Variants in DLGAP2 observed in about 807,000 individuals in gnomAD.
The protein encoded by DLGAP2 is disks large-associated protein 2.
Under a neutral mutation model 100.3 loss-of-function variants are expected in DLGAP2, and 26 were observed. That is an observed-to-expected ratio of 0.26 (90% CI 0.19 to 0.36). The LOEUF (loss-of-function observed/expected upper bound fraction) is 0.36, where lower values mean the gene tolerates loss of function less well. Ranked by LOEUF, DLGAP2 falls within the 10% of genes least tolerant of loss-of-function variation. The probability of loss-of-function intolerance (pLI) is 1.00; values close to 1 mark genes in which losing one functional copy is unlikely to be tolerated. For missense variants in DLGAP2, 1,858 were observed against 1,453.2 expected (o/e 1.28, Z -4.53); for synonymous variants, 886 against 630.1 (o/e 1.41, Z -6.08).
intron 2 of DLGAP2, among the ~76,000 whole-genome samples, chr8:956,470 C>G (rs1799600315): frequency 6.6e-6 from 1 of 152,188 alleles, no homozygotes; most frequent in Non-Finnish European, 1.5e-5. Flanking sequence ...CCTCTCAGCT[C>G]TGAGAATCAT....
At position 1,269,290 on chromosome 8, in the gene DLGAP2, C is replaced by T. The variant is rs76903346; in HGVS notation, c.106+10407C>T. 4.5e-3 allele frequency among the ~76,000 whole-genome samples: 684 copies of T among 152,274 alleles called. 12 individuals are homozygous for T. The East Asian group carries it at 0.062, about 14-fold the overall frequency. On this transcript the variant is annotated intron_variant, in intron 3 of 14. Coordinates refer to ENST00000637795, the MANE Select transcript of DLGAP2 (RefSeq NM_001346810.2). ...CCGGGAGGAGGAGCCAGAGGGTGTT[C>T]CAGCCTGGAGCTCCCAGCCTGCAGA...
At chr8:938,358 G>C (rs1230319182) in intron 2 of DLGAP2, among the ~76,000 whole-genome samples, 1 of 152,090 alleles carries the variant, frequency 6.6e-6, no homozygotes, top group Non-Finnish European at 1.5e-5. Context: ...CACCATGCCT[G>C]GCTGATTTTT....
intron 1 of DLGAP2, among the ~76,000 whole-genome samples, chr8:879,072 T>C (rs986885846): frequency 1.3e-5 from 2 of 152,220 alleles, no homozygotes; most frequent in African/African-American, 4.8e-5. Flanking sequence ...TGAAAGCAAC[T>C]TGATTACATT....
chr8:1,372,228 ACC>A (rs1802256778), intron 3 of DLGAP2, among the ~76,000 whole-genome samples: 3 of 88,030 alleles, frequency 3.4e-5, no homozygotes, highest in African/African-American at 1.2e-4. Flanking sequence ...GACGCTGGTC[ACC>A]GTGGTGCCAA....
At chr8:758,704 G>A (rs968992033) in intron 1 of DLGAP2, among the ~76,000 whole-genome samples, 1 of 152,012 alleles carries the variant, frequency 6.6e-6, no homozygotes, top group African/African-American at 2.4e-5. Flanking sequence ...TGGTACTACA[G>A]GTGTGCACCA....
chr8:1,211,731 C>T (rs1434355945), intron 2 of DLGAP2, among the ~76,000 whole-genome samples: 4 of 152,144 alleles, frequency 2.6e-5, no homozygotes, highest in Admixed American at 6.6e-5. Context: ...CAAAATTAGC[C>T]AGGCGTGGTA....
chr8:765,608 C>T (rs530855195), intron 1 of DLGAP2, among the ~76,000 whole-genome samples: 3 of 152,280 alleles, frequency 2.0e-5, no homozygotes, highest in East Asian at 1.9e-4. Context: ...CCTGAAACAA[C>T]AGTGACCCTA....
chr8:1,174,628 GCCA>G (rs1196839548), intron 2 of DLGAP2, among the ~76,000 whole-genome samples: 2 of 148,660 alleles, frequency 1.3e-5, no homozygotes, highest in East Asian at 2.1e-4. Flanking sequence ...CATTATTACT[GCCA>G]CCATCATCAT....
chr8:1,155,966 G>A (rs1226765201), intron 2 of DLGAP2, among the ~76,000 whole-genome samples: 3 of 152,192 alleles, frequency 2.0e-5, no homozygotes, highest in Non-Finnish European at 4.4e-5. Context: ...CCGTTCCTGC[G>A]CTGCCCCTGA....
At chr8:1,586,114 G>C (rs1196308622) in intron 6 of DLGAP2, among the ~76,000 whole-genome samples, 1 of 152,260 alleles carries the variant, frequency 6.6e-6, no homozygotes, top group East Asian at 1.9e-4. Context: ...AAGTCCTGCA[G>C]GTCATGAGCC....
chr8:1,089,791 C>G (rs1804110807), intron 2 of DLGAP2, among the ~76,000 whole-genome samples: 1 of 152,234 alleles, frequency 6.6e-6, no homozygotes, highest in Non-Finnish European at 1.5e-5. Context: ...ACATATCCAT[C>G]CATTCTTTCG....
Position 815,524 on chromosome 8 carries a change from C to T in DLGAP2, c.18+77699C>T, listed in dbSNP as rs1435991986. 5.3e-5 allele frequency among the ~76,000 whole-genome samples: 8 copies of T among 152,228 alleles called. No homozygotes were observed. The East Asian group carries it at 7.7e-4, about 15-fold the overall frequency. ...TGGATACGTTGTATCACCTGCTAAG[C>T]GGAAATAAAGATAAATTCAATATTC... On this transcript the variant is annotated intron_variant, in intron 1 of 14. Transcript: ENST00000637795.
chr8:1,074,405 C>T lies in DLGAP2; in HGVS notation c.73+166439C>T, dbSNP rs558539467. Among the ~76,000 whole-genome samples the T allele has an allele frequency of 2.6e-5, 4 of 152,346 alleles. No individual in the cohort carries two copies. The South Asian group carries it at 8.3e-4, about 32-fold the overall frequency. ...TTGCAGCACAGAATTTCTCTTCAGC[C>T]TTTCAGTTCACATCATGCTCAGTCT... On this transcript the variant is annotated intron_variant, in intron 2 of 14. Transcript: ENST00000637795.
chr8:1,251,413 A>G (rs1260729421), intron 2 of DLGAP2, among the ~76,000 whole-genome samples: 2 of 152,218 alleles, frequency 1.3e-5, no homozygotes, highest in African/African-American at 4.8e-5. Flanking sequence ...TTGAGCAGAT[A>G]AGATTCCATA....
chr8:1,191,693 C>T (rs954059708), intron 2 of DLGAP2, among the ~76,000 whole-genome samples: 2 of 152,118 alleles, frequency 1.3e-5, no homozygotes, highest in Non-Finnish European at 2.9e-5. Context: ...AACTTGAGCT[C>T]ATTGCAACTA....
chr8:1,173,521 T>C (rs1797178222), intron 2 of DLGAP2, among the ~76,000 whole-genome samples: 1 of 152,200 alleles, frequency 6.6e-6, no homozygotes. Context: ...CTCCTTGAGC[T>C]GTGGTGGGCT....
intron 12 of DLGAP2, among the ~76,000 whole-genome samples, chr8:1,686,871 T>C (rs956879458): frequency 3.3e-5 from 5 of 152,320 alleles, no homozygotes; most frequent in Middle Eastern, 3.4e-3. Context: ...GCTAGAAGAA[T>C]TGTAATGTTC....
At chr8:844,900 C>G (rs1317551566) in intron 1 of DLGAP2, among the ~76,000 whole-genome samples, 1 of 152,202 alleles carries the variant, frequency 6.6e-6, no homozygotes, top group African/African-American at 2.4e-5. Flanking sequence ...TTACCATGCT[C>G]TGGACATTTC....
At chr8:867,702 G>A (rs1472384959) in intron 1 of DLGAP2, among the ~76,000 whole-genome samples, 1 of 152,170 alleles carries the variant, frequency 6.6e-6, no homozygotes, top group African/African-American at 2.4e-5. Flanking sequence ...CTGGCCACCT[G>A]TGCTTTCTGC....
Sources: gnomAD v4.1 joint callset for allele counts (sites outside exome capture counted in the v4.1 genomes callset) on GRCh38, gnomAD v4.1.1 for gene constraint, MANE v1.5 for transcripts, NCBI Gene and HGNC (gene_info 2026-07-23, HGNC 2026-07-21) for gene names.